Variants in CSMD1 observed in about 807,000 individuals in gnomAD.
CSMD1 encodes the protein CUB and sushi domain-containing protein 1.
In CSMD1, 213 loss-of-function variants were observed where a neutral mutation model predicts 417.5. That is an observed-to-expected ratio of 0.51 (90% CI 0.46 to 0.57). The LOEUF is 0.57. Ranked by LOEUF, CSMD1 falls within the 20% of genes least tolerant of loss-of-function variation. The pLI is 0.00. For missense variants in CSMD1, 6,923 were observed against 4,529.7 expected (o/e 1.53, Z -15.17); for synonymous variants, 2,862 against 1,736.8 (o/e 1.65, Z -16.11).
intron 68 of CSMD1, among the ~76,000 whole-genome samples, chr8:2,943,229 T>C (rs1802009705): frequency 6.6e-6 from 1 of 150,798 alleles, no homozygotes; most frequent in African/African-American, 2.5e-5. Flanking sequence ...AATTAATTTT[T>C]CTTTTTTTTT....
chr8:3,266,490 C>T (rs1275741411), intron 26 of CSMD1, among the ~76,000 whole-genome samples: 1 of 151,064 alleles, frequency 6.6e-6, no homozygotes, highest in Admixed American at 6.6e-5. Flanking sequence ...CCTGTAATCC[C>T]AGCTACTTGG....
intron 22 of CSMD1, 143 bp from the exon 23 acceptor site, chr8:3,343,593 G>T: frequency 1.5e-6 from 1 of 688,876 alleles, no homozygotes; most frequent in East Asian, 2.8e-5. Flanking sequence ...GATAAATGAA[G>T]GACTTAGAGC....
In CSMD1 at chr8:3,256,511, T is replaced by A. The variant is rs76553556; in HGVS notation, c.4154-26280A>T. Among the ~76,000 whole-genome samples the A allele has an allele frequency of 2.5e-3, 379 of 152,304 alleles. 5 individuals are homozygous for A. Among genetic ancestry groups the A allele is most frequent in the African/African-American group, 8.7e-3 (361 of 41,566 alleles). The stretch of plus-strand genomic sequence containing the variant: ...TATATCTATAGATATATAAAAGACA[T>A]CTCCTTTAGGATTTATTGCATGCAC... On this transcript the variant is annotated intron_variant, in intron 26 of 69. Transcript: ENST00000635120.
At chr8:4,881,209 T>C (rs1009105778) in intron 1 of CSMD1, among the ~76,000 whole-genome samples, 2 of 152,140 alleles carry the variant, frequency 1.3e-5, no homozygotes, top group African/African-American at 2.4e-5. Flanking sequence ...AAATAAATTA[T>C]ACATAGGTCC....
chr8:4,294,510 G>A (rs112418794), intron 3 of CSMD1, among the ~76,000 whole-genome samples: 5 of 152,206 alleles, frequency 3.3e-5, no homozygotes, highest in African/African-American at 9.6e-5. Context: ...ATAATGCCAT[G>A]AGTTCCTCCA....
intron 5 of CSMD1, among the ~76,000 whole-genome samples, chr8:3,862,230 C>T (rs1261918000): frequency 1.3e-5 from 2 of 152,164 alleles, no homozygotes; most frequent in South Asian, 2.1e-4. Flanking sequence ...ACTGCCTTAA[C>T]CTACCTCATA....
chr8:3,719,804 G>C (rs139054279), intron 6 of CSMD1, among the ~76,000 whole-genome samples: 427 of 152,236 alleles, frequency 2.8e-3, no homozygotes, highest in African/African-American at 9.8e-3. Flanking sequence ...CCAGCTTTTG[G>C]ATCTTTAACA....
At chr8:4,457,919 T>TG (rs1211722922) in intron 2 of CSMD1, among the ~76,000 whole-genome samples, 1 of 152,104 alleles carries the variant, frequency 6.6e-6, no homozygotes, top group Non-Finnish European at 1.5e-5. Context: ...CCATACACCA[T>TG]GGGGCAGAGT....
At chr8:3,610,468 G>A (rs1169122912) in intron 8 of CSMD1, among the ~76,000 whole-genome samples, 3 of 45,374 alleles carry the variant, frequency 6.6e-5, no homozygotes, top group Admixed American at 1.8e-4. Context: ...CCTGGAGTTC[G>A]AGATTACAGT....
intron 3 of CSMD1, among the ~76,000 whole-genome samples, chr8:4,257,745 G>A (rs531084033): frequency 1.6e-4 from 25 of 152,206 alleles, no homozygotes; most frequent in Admixed American, 7.8e-4. Context: ...CCGCTTTCCC[G>A]TTTGTTAGGC....
At chr8:4,440,573 G>T (rs1454206302) in intron 2 of CSMD1, among the ~76,000 whole-genome samples, 1 of 152,256 alleles carries the variant, frequency 6.6e-6, no homozygotes, top group Non-Finnish European at 1.5e-5. Context: ...AATTTTCAAA[G>T]ATGCAAAACC....
At chr8:3,345,254 T>C (rs953782936) in intron 22 of CSMD1, among the ~76,000 whole-genome samples, 17 of 152,066 alleles carry the variant, frequency 1.1e-4, no homozygotes, top group African/African-American at 2.4e-4. Context: ...CCCTGAGAGA[T>C]TGCACCTTGC....
At chr8:2,991,372 G>T (rs1345709205) in intron 54 of CSMD1, among the ~76,000 whole-genome samples, 1 of 152,132 alleles carries the variant, frequency 6.6e-6, no homozygotes, top group Non-Finnish European at 1.5e-5. Flanking sequence ...CACTGTTGGA[G>T]ATTTTTTTGG....
At chr8:3,806,605 A>G (rs961293475) in intron 5 of CSMD1, among the ~76,000 whole-genome samples, 2 of 152,212 alleles carry the variant, frequency 1.3e-5, no homozygotes, top group African/African-American at 4.8e-5. Flanking sequence ...GAGTAGTAGG[A>G]ACAACATCAA....
chr8:3,488,461 T>C (rs1818183737), intron 11 of CSMD1, among the ~76,000 whole-genome samples: 1 of 152,218 alleles, frequency 6.6e-6, no homozygotes, highest in Admixed American at 6.5e-5. Context: ...TAGATAAATG[T>C]ATCTGGAAGA....
chr8:4,329,538 T>A (rs1414687320), intron 3 of CSMD1, among the ~76,000 whole-genome samples: 1 of 152,142 alleles, frequency 6.6e-6, no homozygotes, highest in African/African-American at 2.4e-5. Context: ...TTTGTCTTCC[T>A]TGGCCTCCCA....
At chr8:2,967,764 T>G (rs1272643414) in intron 57 of CSMD1, among the ~76,000 whole-genome samples, 1 of 152,154 alleles carries the variant, frequency 6.6e-6, no homozygotes, top group African/African-American at 2.4e-5. Flanking sequence ...AAAGATATAT[T>G]TTTCTTAAAA....
chr8:3,990,780 T>C (rs2554578), intron 5 of CSMD1, among the ~76,000 whole-genome samples: 61,641 of 151,738 alleles, frequency 0.41, 12,523 homozygotes, highest in Non-Finnish European at 0.42. Context: ...ATCCCTTTCA[T>C]GAGGAAGGAG....
chr8:3,671,061 T>C (rs867950185), intron 7 of CSMD1, among the ~76,000 whole-genome samples: 4 of 137,248 alleles, frequency 2.9e-5, no homozygotes, highest in Non-Finnish European at 6.6e-5. Context: ...ATAGGATATA[T>C]ATGTATATGG....
Sources: allele counts gnomAD v4.1 joint callset (sites outside exome capture counted in the v4.1 genomes callset), GRCh38; gene constraint gnomAD v4.1.1; transcripts MANE v1.5; gene names NCBI Gene and HGNC (gene_info 2026-07-23, HGNC 2026-07-21).